CSMD1: variants seen among roughly 807,000 people sequenced by gnomAD.
The protein encoded by CSMD1 is CUB and sushi domain-containing protein 1.
CSMD1 carries 213 observed loss-of-function variants against 417.5 expected under a neutral mutation model. The ratio of observed to expected loss-of-function variants is 0.51; its 90% CI spans 0.46 to 0.57. The LOEUF (loss-of-function observed/expected upper bound fraction) is 0.57. Ranked by LOEUF, CSMD1 falls within the 20% of genes least tolerant of loss-of-function variation. The pLI is 0.00. For missense variants in CSMD1, 6,923 were observed against 4,529.7 expected (o/e 1.53, Z -15.17); for synonymous variants, 2,862 against 1,736.8 (o/e 1.65, Z -16.11).
At chr8:4,213,308 C>G (rs1432641616) in intron 3 of CSMD1, among the ~76,000 whole-genome samples, 3 of 152,130 alleles carry the variant, frequency 2.0e-5, no homozygotes. Context: ...TCACACCACA[C>G]CTCTCTGCTC....
At chr8:4,290,962 G>A (rs192621483) in intron 3 of CSMD1, among the ~76,000 whole-genome samples, 1 of 151,958 alleles carries the variant, frequency 6.6e-6, no homozygotes, top group Non-Finnish European at 1.5e-5. Context: ...AATTTAGAGG[G>A]GCAAAATTTC....
In CSMD1 at chr8:4,077,307, A is replaced by ATGTG. The variant is rs1554439912; in HGVS notation, c.416-45209_416-45208insCACA. Among the ~76,000 whole-genome samples, 42 of 141,512 alleles carry ATGTG rather than the reference A, an allele frequency of 3.0e-4. 2 individuals are homozygous for ATGTG. Among genetic ancestry groups the ATGTG allele is most frequent in the African/African-American group, 5.4e-5 (2 of 37,170 alleles). The allele number at this position is 141,512 out of a possible 152,430, so 92.8% of individuals were successfully genotyped here. ...TATATATATATATGTGTATATATAT[A>ATGTG]TATATATATATATATGGTAGACATA... On this transcript the variant is annotated intron_variant, in intron 3 of 69. Coordinates refer to ENST00000635120, the MANE Select transcript of CSMD1 (RefSeq NM_033225.6).
chr8:4,034,108 A>G (rs1355081999), intron 3 of CSMD1, among the ~76,000 whole-genome samples: 6 of 152,196 alleles, frequency 3.9e-5, no homozygotes, highest in Non-Finnish European at 7.3e-5. Context: ...TATTGATATA[A>G]TGTAGAATAA....
intron 10 of CSMD1, among the ~76,000 whole-genome samples, chr8:3,556,415 T>TATATATATATATATATA (rs1799148435): frequency 3.5e-5 from 2 of 57,124 alleles, no homozygotes; most frequent in South Asian, 5.8e-4. Flanking sequence ...ATATATATAT[T>TATATATATATATATATA]CACACACACA....
intron 1 of CSMD1, among the ~76,000 whole-genome samples, chr8:4,915,558 C>A (rs537826441): frequency 1.3e-5 from 2 of 152,178 alleles, no homozygotes; most frequent in African/African-American, 4.8e-5. Context: ...CATGGACCTG[C>A]GTCTGCAGTA....
At chr8:3,848,916 TATACATATATC>T (rs956535678) in intron 5 of CSMD1, among the ~76,000 whole-genome samples, 5 of 150,916 alleles carry the variant, frequency 3.3e-5, no homozygotes, top group Non-Finnish European at 7.4e-5. Context: ...CTAGATATCA[TATACATATATC>T]ATATATATAT....
chr8:4,749,378 G>A lies in CSMD1; in HGVS notation c.86-111820C>T, dbSNP rs114185870. Among the ~76,000 whole-genome samples the A allele has an allele frequency of 3.5e-3, 538 of 152,308 alleles. 1 individual carries two copies. The highest frequency in any genetic ancestry group is 0.012 in the African/African-American group (510 of 41,556). On this transcript the variant is annotated intron_variant, in intron 1 of 69. Coordinates refer to ENST00000635120, the MANE Select transcript of CSMD1 (RefSeq NM_033225.6). Reference sequence around the variant, plus strand: ...TAAATGTTCAGCATAGTTGCTAAGCGGTCCTTGATAGTGTAAACACTTCAT... The same window carrying A: ...TAAATGTTCAGCATAGTTGCTAAGCAGTCCTTGATAGTGTAAACACTTCAT...
intron 1 of CSMD1, among the ~76,000 whole-genome samples, chr8:4,742,681 T>C (rs1245976167): frequency 1.3e-5 from 2 of 152,210 alleles, no homozygotes; most frequent in East Asian, 1.9e-4. Context: ...TTTTTCAGTG[T>C]TGACAATCAG....
chr8:3,935,835 T>C (rs898722327), intron 5 of CSMD1, among the ~76,000 whole-genome samples: 30 of 152,156 alleles, frequency 2.0e-4, no homozygotes, highest in African/African-American at 5.8e-4. Context: ...CACATGTCTC[T>C]ATCACTTTAA....
intron 3 of CSMD1, among the ~76,000 whole-genome samples, chr8:4,119,924 G>C (rs1308437827): frequency 1.3e-5 from 2 of 148,528 alleles, no homozygotes; most frequent in African/African-American, 5.0e-5. Context: ...GGGAGGGTGA[G>C]AGGAGCTGGG....
chr8:3,330,725 C>A (rs376243354), intron 23 of CSMD1, among the ~76,000 whole-genome samples: 2 of 152,138 alleles, frequency 1.3e-5, no homozygotes, highest in African/African-American at 4.8e-5. Context: ...AACAAACCTG[C>A]ACCTGTGCCC....
chr8:3,414,766 G>C (rs1043329790), intron 12 of CSMD1, among the ~76,000 whole-genome samples: 2 of 152,146 alleles, frequency 1.3e-5, no homozygotes, highest in Admixed American at 1.3e-4. Flanking sequence ...TTTAGTGCCT[G>C]AGGGTGTCTC....
intron 10 of CSMD1, among the ~76,000 whole-genome samples, chr8:3,561,501 C>T (rs531117835): frequency 6.6e-6 from 1 of 152,220 alleles, no homozygotes; most frequent in South Asian, 2.1e-4. Flanking sequence ...TGTCATTATC[C>T]TAAGTAAAAT....
At chr8:4,289,351 C>A (rs73500676) in intron 3 of CSMD1, among the ~76,000 whole-genome samples, 4 of 152,214 alleles carry the variant, frequency 2.6e-5, no homozygotes, top group South Asian at 4.1e-4. Context: ...ATACATTTAA[C>A]TTTTCTTATA....
At chr8:4,579,210 A>T (rs999944825) in intron 2 of CSMD1, among the ~76,000 whole-genome samples, 6 of 151,948 alleles carry the variant, frequency 3.9e-5, no homozygotes, top group Non-Finnish European at 5.9e-5. Flanking sequence ...GCTCTGACGG[A>T]ATCAGGAAAA....
Position 3,804,277 on chromosome 8 carries a change from G to C in CSMD1, c.819-50235C>G, listed in dbSNP as rs149317333. 1.0e-3 allele frequency among the ~76,000 whole-genome samples: 157 copies of C among 152,166 alleles called. 1 individual carries two copies. The highest frequency in any genetic ancestry group is 3.7e-3 in the African/African-American group (153 of 41,526). On this transcript the variant is annotated intron_variant, in intron 5 of 69. Transcript: ENST00000635120. ...TCAATTCAAAACATTTAACTTGCAGGTGCAGAATACTAAAATAAATAATTT... is the reference window on the plus strand; with the variant it reads ...TCAATTCAAAACATTTAACTTGCAGCTGCAGAATACTAAAATAAATAATTT...
intron 16 of CSMD1, among the ~76,000 whole-genome samples, chr8:3,396,974 T>C (rs561015184): frequency 6.6e-6 from 1 of 152,296 alleles, no homozygotes; most frequent in African/African-American, 2.4e-5. Context: ...CATGAAAGGA[T>C]ACTTTAATAA....
At chr8:4,878,957 A>G (rs1803222253) in intron 1 of CSMD1, among the ~76,000 whole-genome samples, 1 of 151,874 alleles carries the variant, frequency 6.6e-6, no homozygotes, top group Admixed American at 6.6e-5. Context: ...CTGCCAAGGC[A>G]CAGTGAGAAG....
chr8:4,453,810 G>GTTTTTTTT (rs1392324658), intron 2 of CSMD1, among the ~76,000 whole-genome samples: 1 of 93,016 alleles, frequency 1.1e-5, no homozygotes, highest in African/African-American at 3.9e-5. Flanking sequence ...TGCGCAATTC[G>GTTTTTTTT]TTTCTTTTTT....
Sources: allele counts gnomAD v4.1 joint callset (sites outside exome capture counted in the v4.1 genomes callset), GRCh38; gene constraint gnomAD v4.1.1; transcripts MANE v1.5; gene names NCBI Gene and HGNC (gene_info 2026-07-23, HGNC 2026-07-21).